Variants in CSRNP3 observed in about 807,000 individuals in gnomAD.
CSRNP3 encodes the protein cysteine and serine rich nuclear protein 3, also known as cysteine/serine-rich nuclear protein 3.
CSRNP3 carries 12 observed loss-of-function variants against 48.0 expected under a neutral mutation model. The ratio of observed to expected loss-of-function variants is 0.25; its 90% confidence interval spans 0.16 to 0.41. The LOEUF is 0.41. Among genes scored for constraint, CSRNP3 ranks in the 10% least tolerant of loss-of-function variants. The pLI is 1.00. For synonymous variants in CSRNP3, 263 were observed against 269.7 expected (o/e 0.98, Z 0.24); for missense variants, 580 against 724.4 (o/e 0.80, Z 2.29).
chr2:165,508,005 C>T (rs796390519), intron 2 of CSRNP3, among the ~76,000 whole-genome samples: 4 of 152,038 alleles, frequency 2.6e-5, no homozygotes, highest in African/African-American at 7.2e-5. Context: ...CATGATAACA[C>T]TTAAGGTAGG....
chr2:165,526,827 A>G (rs571548135), intron 3 of CSRNP3, among the ~76,000 whole-genome samples: 6 of 152,352 alleles, frequency 3.9e-5, no homozygotes, highest in East Asian at 1.9e-4. Flanking sequence ...GAGATGGGCC[A>G]GGAATTTGGT....
intron 1 of CSRNP3, among the ~76,000 whole-genome samples, chr2:165,479,292 A>G (rs985925140): frequency 6.6e-6 from 1 of 152,162 alleles, no homozygotes; most frequent in African/African-American, 2.4e-5. Flanking sequence ...TAAGTATTCA[A>G]AAACAAGACA....
chr2:165,622,273 G>A (rs1463336937), intron 4 of CSRNP3, among the ~76,000 whole-genome samples: 1 of 151,812 alleles, frequency 6.6e-6, no homozygotes, highest in Non-Finnish European at 1.5e-5. Flanking sequence ...TTTTCGTTTG[G>A]CTTTATACAT....
At chr2:165,641,550 T>G (rs1686721902) in intron 4 of CSRNP3, among the ~76,000 whole-genome samples, 1 of 143,354 alleles carries the variant, frequency 7.0e-6, no homozygotes, top group Non-Finnish European at 1.6e-5. Flanking sequence ...CTTAAAAGAA[T>G]TCTTCTTCTC....
chr2:165,679,235 G>C lies in CSRNP3; in HGVS notation c.1240G>C (p.Asp414His). 1 of 1,613,946 alleles carries C rather than the reference G, an allele frequency of 6.2e-7. No homozygotes were observed. Among genetic ancestry groups the C allele is most frequent in the Non-Finnish European group, 8.5e-7 (1 of 1,179,974 alleles). ...VPLPSVLCYS[D>H]GTAVHESHAK... ...TCTTCCTTCAGTTCTTTGTTATTCT[G>C]ATGGCACCGCCGTTCACGAAAGCCA... Residue 414 changes from aspartate to histidine, a missense_variant, in exon 7 of 7, where the codon GAT (aspartate) becomes CAT (histidine). Transcript: ENST00000651982.
intron 1 of CSRNP3, among the ~76,000 whole-genome samples, chr2:165,491,056 A>G (rs1310225104): frequency 7.3e-6 from 1 of 137,582 alleles, no homozygotes; most frequent in Admixed American, 7.6e-5. Context: ...CTCGTCTGAC[A>G]AAGGGCTAAT....
intron 4 of CSRNP3, among the ~76,000 whole-genome samples, chr2:165,610,463 T>C: frequency 6.6e-6 from 1 of 152,236 alleles, no homozygotes; most frequent in South Asian, 2.1e-4. Context: ...CTTTTATGCG[T>C]AAAACTTTTT....
chr2:165,610,451 C>T (rs934932220), intron 4 of CSRNP3, among the ~76,000 whole-genome samples: 3 of 152,192 alleles, frequency 2.0e-5, no homozygotes, highest in African/African-American at 7.2e-5. Flanking sequence ...TGCTTACTAA[C>T]TCTTTTATGC....
At chr2:165,592,026 C>G (rs1020814551) in intron 3 of CSRNP3, among the ~76,000 whole-genome samples, 1 of 152,226 alleles carries the variant, frequency 6.6e-6, no homozygotes. Context: ...CACTCAATGT[C>G]AGCCCGTAAA....
At chr2:165,546,118 G>C (rs1320464920) in intron 3 of CSRNP3, among the ~76,000 whole-genome samples, 4 of 152,066 alleles carry the variant, frequency 2.6e-5, no homozygotes, top group Non-Finnish European at 5.9e-5. Context: ...ACTGCAGCTA[G>C]GTCTGTCTAA....
rs117071399 is a variant in CSRNP3 at position 165,528,390 on chromosome 2, A to C, written c.-24+10429A>C. 4.9e-3 allele frequency among the ~76,000 whole-genome samples: 749 copies of C among 152,302 alleles called. 17 individuals carry two copies. Among genetic ancestry groups the C allele is most frequent in the East Asian group, 0.037 (193 of 5,176 alleles). ...TTTTAGAATCAAATCCAAAAAAATA[A>C]TTGCCCAGACCAGTGTCATGTGGTG... On this transcript the variant is annotated intron_variant, in intron 3 of 6. Transcript: ENST00000651982.
intron 2 of CSRNP3, among the ~76,000 whole-genome samples, chr2:165,514,474 C>T (rs765137815): frequency 1.8e-4 from 28 of 152,202 alleles, no homozygotes; most frequent in Non-Finnish European, 3.1e-4. Context: ...TCAGGGTGAG[C>T]GCTGTAGATC....
chr2:165,485,763 T>A (rs913686024), intron 1 of CSRNP3, among the ~76,000 whole-genome samples: 11 of 152,240 alleles, frequency 7.2e-5, no homozygotes, highest in Non-Finnish European at 1.5e-4. Flanking sequence ...GCCTTTTCTC[T>A]ATTGAATTAA....
chr2:165,488,533 C>T (rs1684154631), intron 1 of CSRNP3, among the ~76,000 whole-genome samples: 1 of 140,110 alleles, frequency 7.1e-6, no homozygotes, highest in African/African-American at 2.7e-5. Context: ...CAAAATTGAC[C>T]ACATAGTTGG....
intron 1 of CSRNP3, among the ~76,000 whole-genome samples, chr2:165,494,106 A>G (rs1684255112): frequency 6.6e-6 from 1 of 152,268 alleles, no homozygotes. Flanking sequence ...ATTTTATTCA[A>G]CAAAAGATTT....
intron 4 of CSRNP3, among the ~76,000 whole-genome samples, chr2:165,625,024 G>A (rs1277648199): frequency 6.6e-6 from 1 of 152,212 alleles, no homozygotes; most frequent in African/African-American, 2.4e-5. Flanking sequence ...TGTTTTTAGA[G>A]AAGTCATGCA....
chr2:165,637,553 C>T (rs1238528687), intron 4 of CSRNP3, among the ~76,000 whole-genome samples: 1 of 152,154 alleles, frequency 6.6e-6, no homozygotes, highest in African/African-American at 2.4e-5. Context: ...GGTTTCTGCT[C>T]TGCAACATAC....
chr2:165,507,220 A>G (rs1353928125), intron 2 of CSRNP3, among the ~76,000 whole-genome samples: 1 of 152,108 alleles, frequency 6.6e-6, no homozygotes, highest in Non-Finnish European at 1.5e-5. Flanking sequence ...AATAAGTAAA[A>G]TGTTTTACTT....
intron 2 of CSRNP3, among the ~76,000 whole-genome samples, chr2:165,517,481 T>A (rs1684597076): frequency 6.6e-6 from 1 of 151,854 alleles, no homozygotes; most frequent in African/African-American, 2.4e-5. Context: ...GCTACAACAT[T>A]TTGGTTGATT....
Sources: allele counts gnomAD v4.1 joint callset (sites outside exome capture counted in the v4.1 genomes callset), GRCh38; gene constraint gnomAD v4.1.1; transcripts MANE v1.5; gene names NCBI Gene and HGNC (gene_info 2026-07-23, HGNC 2026-07-21).